PLEKHG4B: variants seen among roughly 807,000 people sequenced by gnomAD.
The protein encoded by PLEKHG4B is pleckstrin homology and RhoGEF domain containing G4B.
A neutral mutation model predicts 121.3 loss-of-function variants in PLEKHG4B; 111 were observed. The ratio of observed to expected loss-of-function variants is 0.92; its 90% CI spans 0.78 to 1.07. The LOEUF is 1.07. PLEKHG4B is among the 50% of genes least tolerant of loss of function. The pLI is 0.00. For synonymous variants in PLEKHG4B, 738 were observed against 725.0 expected (o/e 1.02, Z -0.29); for missense variants, 1,831 against 1,757.8 (o/e 1.04, Z -0.74).
At chr5:125,135 A>G (rs1734575987) in intron 2 of PLEKHG4B, among the ~76,000 whole-genome samples, 1 of 152,188 alleles carries the variant, frequency 6.6e-6, no homozygotes, top group Admixed American at 6.6e-5. Context: ...TTAAAAAAAA[A>G]TCAATTTTGC....
Position 161,899 on chromosome 5 carries a change from G to A in PLEKHG4B, c.2604G>A (p.Glu868=), listed in dbSNP as rs1359508575. 3 of 1,613,556 alleles carry A rather than the reference G, an allele frequency of 1.9e-6. No individual in the cohort carries two copies. The highest frequency in any genetic ancestry group is 1.1e-5 in the South Asian group (1 of 91,078). ...TGGTCAGCCAGGCTGAGTGCAGGGA[G>A]GGAGAGCTGGCCAGGTGGACCCGCT... The part of the protein sequence containing the change: ...SAVVSQAECR[E]GELARWTRSS... The change falls in exon 12 of 20, where the codon GAG becomes GAA. Residue 868 remains glutamate (E), a synonymous_variant. Coordinates refer to ENST00000637938, the MANE Select transcript of PLEKHG4B (RefSeq NM_052909.5).
At chr5:179,218 C>T (rs1299676080) in intron 18 of PLEKHG4B, among the ~76,000 whole-genome samples, 1 of 152,096 alleles carries the variant, frequency 6.6e-6, no homozygotes, top group African/African-American at 2.4e-5. Context: ...TCACTTTTAT[C>T]TTTTTATCTA....
intron 1 of PLEKHG4B, among the ~76,000 whole-genome samples, chr5:94,340 G>T (rs1733564858): frequency 6.6e-6 from 1 of 152,242 alleles, no homozygotes; most frequent in African/African-American, 2.4e-5. Flanking sequence ...AAGACCTCAG[G>T]TGCCACGTGT....
chr5:165,998 C>G (rs1165829792), intron 13 of PLEKHG4B, among the ~76,000 whole-genome samples: 1 of 2,436 alleles, frequency 4.1e-4, no homozygotes. Flanking sequence ...TCACAGTAAT[C>G]CTCTGACGGG....
In PLEKHG4B at chr5:140,013, G is replaced by A. The variant is rs895617576; in HGVS notation, c.774G>A (p.Thr258=). Residue 258 remains threonine, a synonymous_variant, in exon 3 of 20, where the codon ACG becomes ACA. Transcript: ENST00000637938. ...CCTCACCCTGCCGCCGAGGGCATACGGGCAGCGACCAGCTCAGGCACCTTC... is the reference window on the plus strand; with the variant it reads ...CCTCACCCTGCCGCCGAGGGCATACAGGCAGCGACCAGCTCAGGCACCTTC... ...TLTSPCRRGH[T]GSDQLRHLPY... The A allele has an allele frequency of 2.4e-5, 10 of 410,062 alleles. No homozygotes were observed. Among genetic ancestry groups the A allele is most frequent in the African/African-American group, 6.2e-5 (3 of 48,734 alleles). 25.4% of individuals were successfully genotyped at this position (410,062 alleles called of 1,614,324 possible).
rs1051952205 is a variant in PLEKHG4B, at chr5:137,062, A to G, written c.244-2421A>G. Among the ~76,000 whole-genome samples, 12 of 152,204 alleles carry G rather than the reference A, an allele frequency of 7.9e-5. No homozygotes were observed. Among genetic ancestry groups the G allele is most frequent in the African/African-American group, 2.4e-4 (10 of 41,438 alleles). On this transcript the variant is annotated intron_variant, in intron 2 of 19. Transcript: ENST00000637938. The surrounding 1 kb of genome is among the most constrained non-coding windows in gnomAD (Gnocchi z 4.2). ...TAGCAAAATATAGTATGTACACGCA[A>G]TGGAAGATTATGCAACCCTCAGAAG...
intron 1 of PLEKHG4B, among the ~76,000 whole-genome samples, chr5:111,630 G>T (rs1734160321): frequency 6.6e-6 from 1 of 152,150 alleles, no homozygotes; most frequent in South Asian, 2.1e-4. Context: ...CGGCATTTCA[G>T]CTCCTGCAGA....
chr5:164,927 CTA>C (rs1335727530), intron 13 of PLEKHG4B, among the ~76,000 whole-genome samples: 1 of 53,018 alleles, frequency 1.9e-5, no homozygotes, highest in Non-Finnish European at 4.4e-5. Context: ...GGAGCTCACA[CTA>C]ATGCTGTGAC....
chr5:136,870 G>T (rs1178558286), intron 2 of PLEKHG4B, among the ~76,000 whole-genome samples: 2 of 152,114 alleles, frequency 1.3e-5, no homozygotes, highest in Non-Finnish European at 2.9e-5. Context: ...CTACCCAAAA[G>T]AATTGAAATC....
At chr5:140,774 C>T in intron 3 of PLEKHG4B, 58 bp downstream of exon 3, 1 of 1,398,830 alleles carries the variant, frequency 7.1e-7, no homozygotes, top group Non-Finnish European at 9.4e-7. Context: ...ACACATCCCA[C>T]AATCTCCCCC....
In PLEKHG4B at chr5:182,520, T is replaced by C. The variant is rs1224248533; in HGVS notation, c.*197T>C. On this transcript the variant is annotated 3_prime_UTR_variant, in exon 20 of 20. Coordinates refer to ENST00000637938, the MANE Select transcript of PLEKHG4B (RefSeq NM_052909.5). ...ATTTTCAAACAAATTTATAATTTTG[T>C]CTTATTTAAAAAACAAACCTTCCAC... 1.6e-6 allele frequency: 1 copy of C among 614,040 alleles called. No individual in the cohort carries two copies. The highest frequency in any genetic ancestry group is 2.7e-6 in the Non-Finnish European group (1 of 363,860). 38.0% of individuals were successfully genotyped at this position (614,040 alleles called of 1,614,324 possible). A position where few individuals can be genotyped will look rare whatever the true frequency, so the allele number is the denominator to read the frequency against.
At chr5:126,629 C>G (rs1030744335) in intron 2 of PLEKHG4B, among the ~76,000 whole-genome samples, 3 of 152,146 alleles carry the variant, frequency 2.0e-5, no homozygotes, top group Admixed American at 6.5e-5. Context: ...TTATGTGACA[C>G]CTCTGCAAAG....
intron 14 of PLEKHG4B, among the ~76,000 whole-genome samples, chr5:170,078 G>A (rs1736493963): frequency 6.6e-6 from 1 of 152,206 alleles, no homozygotes; most frequent in Admixed American, 6.5e-5. Flanking sequence ...AGACCCAGTG[G>A]TCTCTCCTCG....
chr5:148,875 G>A lies in PLEKHG4B; in HGVS notation c.1906-2638G>A, dbSNP rs115890588. 2.9e-3 allele frequency among the ~76,000 whole-genome samples: 447 copies of A among 152,200 alleles called. 1 individual carries two copies. The highest frequency in any genetic ancestry group is 9.5e-3 in the African/African-American group (395 of 41,502). On this transcript the variant is annotated intron_variant, in intron 6 of 19. Coordinates refer to ENST00000637938, the MANE Select transcript of PLEKHG4B (RefSeq NM_052909.5). The stretch of plus-strand genomic sequence containing the variant: ...GTTTGGCACTGGCATTAAAACAGAC[G>A]TATAGAACAATGGAATAGAGTAGAA...
rs765743785 is a variant in PLEKHG4B at position 144,937 on chromosome 5, A to G, written c.1905+17A>G. ...GGATTGCAGGTACGGCAAGGTTGTCATATCCCTTGGGTGTGCAGAGCATCG... is the reference window on the plus strand; with the variant it reads ...GGATTGCAGGTACGGCAAGGTTGTCGTATCCCTTGGGTGTGCAGAGCATCG... On this transcript the variant is annotated intron_variant, in intron 6 of 19. Coordinates refer to ENST00000637938, the MANE Select transcript of PLEKHG4B (RefSeq NM_052909.5). The G allele has an allele frequency of 2.5e-6, 4 of 1,610,062 alleles. No homozygotes were observed. In the African/African-American group the frequency reaches 4.0e-5, roughly 16 times the overall value.
intron 2 of PLEKHG4B, among the ~76,000 whole-genome samples, chr5:119,642 G>C (rs1237310054): frequency 1.3e-5 from 2 of 152,166 alleles, no homozygotes; most frequent in African/African-American, 4.8e-5. Flanking sequence ...CACCTAAAAG[G>C]ACCAAACTGT....
chr5:149,794 T>G (rs1469047114), intron 6 of PLEKHG4B, among the ~76,000 whole-genome samples: 2 of 152,198 alleles, frequency 1.3e-5, no homozygotes, highest in African/African-American at 4.8e-5. Flanking sequence ...CATTAATGAT[T>G]AGAGAAATTC....
chr5:103,487 C>T (rs908997438), intron 1 of PLEKHG4B, among the ~76,000 whole-genome samples: 3 of 152,184 alleles, frequency 2.0e-5, no homozygotes, highest in Non-Finnish European at 2.9e-5. Context: ...CTTTACACAG[C>T]TGTGTACATT....
At chr5:173,812 A>C (rs6898413) in intron 17 of PLEKHG4B, 106 bp from the exon 18 acceptor site, 76,428 of 1,317,196 alleles carry the variant, frequency 0.058, 4,887 homozygotes, top group African/African-American at 0.31. Flanking sequence ...CACATTTGTC[A>C]TTTGGTGTCT....
Sources: allele counts gnomAD v4.1 joint callset (sites outside exome capture counted in the v4.1 genomes callset), GRCh38; gene constraint gnomAD v4.1.1; non-coding constraint Gnocchi (gnomAD v3.1); transcripts MANE v1.5; gene names NCBI Gene and HGNC (gene_info 2026-07-23, HGNC 2026-07-21).